The following MAPK10 variants were observed in gnomAD, a reference collection of about 807,000 sequenced individuals.
MAPK10 encodes the protein JNK3 alpha protein kinase.
MAPK10 carries 25 observed loss-of-function variants against 59.3 expected under a neutral mutation model. The ratio of observed to expected loss-of-function variants is 0.42; its 90% CI spans 0.31 to 0.59. The LOEUF is 0.59. MAPK10 is among the 20% of genes least tolerant of loss of function. The pLI is 0.15. For missense variants in MAPK10, 351 were observed against 568.9 expected (o/e 0.62, Z 3.90); for synonymous variants, 190 against 200.5 (o/e 0.95, Z 0.44).
chr4:86,378,067 TCAATC>T (rs1347333259), intron 1 of MAPK10, among the ~76,000 whole-genome samples: 1 of 152,136 alleles, frequency 6.6e-6, no homozygotes, highest in African/African-American at 2.4e-5. Flanking sequence ...TTTGTATCCT[TCAATC>T]CAATCAAGTT....
chr4:86,132,012 C>T (rs28394598), intron 4 of MAPK10, among the ~76,000 whole-genome samples: 34,614 of 152,074 alleles, frequency 0.23, 4,676 homozygotes, highest in African/African-American at 0.38. Flanking sequence ...GTAGACGATA[C>T]ACTGCTGGTC....
intron 1 of MAPK10, among the ~76,000 whole-genome samples, chr4:86,425,473 A>G (rs1747152972): frequency 6.6e-6 from 1 of 152,104 alleles, no homozygotes; most frequent in African/African-American, 2.4e-5. Flanking sequence ...TCACTAGACT[A>G]CTACAAACAC....
At chr4:86,198,386 C>T (rs780144675) in intron 2 of MAPK10, among the ~76,000 whole-genome samples, 2 of 151,984 alleles carry the variant, frequency 1.3e-5, no homozygotes, top group Non-Finnish European at 2.9e-5. Context: ...GGAACTGGGG[C>T]CCGAGGAACT....
intron 1 of MAPK10, among the ~76,000 whole-genome samples, chr4:86,436,995 G>A (rs1274023991): frequency 3.3e-5 from 5 of 152,092 alleles, no homozygotes; most frequent in South Asian, 4.2e-4. Flanking sequence ...GGCAGATCAC[G>A]AGGTCAGGAG....
At chr4:86,073,259 T>G (rs1335360663) in intron 9 of MAPK10, among the ~76,000 whole-genome samples, 6 of 147,074 alleles carry the variant, frequency 4.1e-5, no homozygotes, top group African/African-American at 1.2e-4. Flanking sequence ...TCATTTTTTA[T>G]TGTGTCTATT....
At chr4:86,557,790 G>A (rs1760381421) in intron 1 of MAPK10, among the ~76,000 whole-genome samples, 1 of 151,968 alleles carries the variant, frequency 6.6e-6, no homozygotes, top group South Asian at 2.1e-4. Flanking sequence ...GTATGCCATT[G>A]GGAGTGCAAC....
intron 3 of MAPK10, among the ~76,000 whole-genome samples, chr4:86,166,886 A>G (rs934945889): frequency 6.6e-6 from 1 of 152,178 alleles, no homozygotes; most frequent in African/African-American, 2.4e-5. Flanking sequence ...AGAGCAGAAT[A>G]GAAAAACATA....
At chr4:86,067,249 C>G (rs545861962) in intron 10 of MAPK10, among the ~76,000 whole-genome samples, 14 of 152,290 alleles carry the variant, frequency 9.2e-5, no homozygotes, top group Admixed American at 7.2e-4. Context: ...TCAAGCGACT[C>G]TCCTGCCTCA....
chr4:86,505,582 G>GT (rs927032931), intron 1 of MAPK10, among the ~76,000 whole-genome samples: 2 of 151,836 alleles, frequency 1.3e-5, no homozygotes, highest in African/African-American at 4.8e-5. Context: ...GTGAGACCCT[G>GT]TTTTTAAAAA....
At chr4:86,591,122 C>T (rs1763013700) in intron 1 of MAPK10, among the ~76,000 whole-genome samples, 1 of 151,958 alleles carries the variant, frequency 6.6e-6, no homozygotes, top group African/African-American at 2.4e-5. Flanking sequence ...TGGGGTCTTG[C>T]TATGTTACCC....
intron 1 of MAPK10, among the ~76,000 whole-genome samples, chr4:86,486,199 G>T (rs1579370259): frequency 6.6e-6 from 1 of 152,172 alleles, no homozygotes; most frequent in South Asian, 2.1e-4. Context: ...TGAGGCAGGA[G>T]GATCACTTGA....
At chr4:86,262,797 C>T (rs1346254486) in intron 2 of MAPK10, among the ~76,000 whole-genome samples, 2 of 152,192 alleles carry the variant, frequency 1.3e-5, no homozygotes, top group African/African-American at 2.4e-5. Flanking sequence ...AAGCAAGTTT[C>T]TTGATTCTCT....
At chr4:86,478,397 C>CTGT (rs1393543184) in intron 1 of MAPK10, among the ~76,000 whole-genome samples, 7 of 152,304 alleles carry the variant, frequency 4.6e-5, no homozygotes, top group Non-Finnish European at 7.4e-5. Flanking sequence ...TTTATCCAAA[C>CTGT]AACTTGACCT....
chr4:86,382,496 T>C (rs1038213645), intron 1 of MAPK10, among the ~76,000 whole-genome samples: 5 of 152,206 alleles, frequency 3.3e-5, no homozygotes, highest in African/African-American at 1.2e-4. Context: ...TTAATAGCTC[T>C]CTCACCTGTG....
chr4:86,462,571 G>A lies in MAPK10; in HGVS notation c.-262-107927C>T, dbSNP rs146316539. 4.0e-3 allele frequency among the ~76,000 whole-genome samples: 603 copies of A among 152,214 alleles called. 1 individual carries two copies. Among genetic ancestry groups the A allele is most frequent in the African/African-American group, 0.013 (531 of 41,528 alleles). Reference sequence around the variant, plus strand: ...CAATCACTTCTCTACAGCACCAGCCGTCCACGTGGCCAATTCAACCCGCTC... The same window carrying A: ...CAATCACTTCTCTACAGCACCAGCCATCCACGTGGCCAATTCAACCCGCTC... On this transcript the variant is annotated intron_variant, in intron 1 of 4. Transcript: ENST00000502302.
Position 86,017,100 on chromosome 4 carries a change from G to T in MAPK10, c.*128C>A. The T allele has an allele frequency of 9.7e-7, 1 of 1,034,454 alleles. No homozygotes were observed. Among genetic ancestry groups the T allele is most frequent in the Non-Finnish European group, 1.4e-6 (1 of 709,922 alleles). 64.1% of individuals were successfully genotyped at this position (1,034,454 alleles called of 1,614,324 possible). A position where few individuals can be genotyped will look rare whatever the true frequency, so the allele number is the denominator to read the frequency against. On this transcript the variant is annotated 3_prime_UTR_variant, in exon 14 of 14. Transcript: ENST00000641462. The surrounding 1 kb of genome is among the most constrained non-coding windows in gnomAD (Gnocchi z 4.4). ...GAAAGATTTATTTAATTTTAGGCTTGGATTCTCTCCCTTGCTGTTTTCTTG... is the reference window on the plus strand; with the variant it reads ...GAAAGATTTATTTAATTTTAGGCTTTGATTCTCTCCCTTGCTGTTTTCTTG...
At chr4:86,505,685 T>G (rs1242922559) in intron 1 of MAPK10, among the ~76,000 whole-genome samples, 1 of 152,156 alleles carries the variant, frequency 6.6e-6, no homozygotes, top group South Asian at 2.1e-4. Flanking sequence ...TAGGTGTCTT[T>G]CCATTATACA....
intron 2 of MAPK10, among the ~76,000 whole-genome samples, chr4:86,241,936 G>T (rs548532203): frequency 6.6e-6 from 1 of 152,154 alleles, no homozygotes; most frequent in African/African-American, 2.4e-5. Flanking sequence ...AGCATTTTTT[G>T]TTGTTGTTGA....
chr4:86,390,293 A>G (rs1742029735), intron 1 of MAPK10, among the ~76,000 whole-genome samples: 1 of 152,222 alleles, frequency 6.6e-6, no homozygotes, highest in South Asian at 2.1e-4. Flanking sequence ...TAAAAAGTCT[A>G]TTGGGTTGGA....
Sources: gnomAD v4.1 joint callset for allele counts (sites outside exome capture counted in the v4.1 genomes callset) on GRCh38, gnomAD v4.1.1 for gene constraint, Gnocchi (gnomAD v3.1) non-coding constraint, MANE v1.5 for transcripts, NCBI Gene and HGNC (gene_info 2026-07-23, HGNC 2026-07-21) for gene names.